Variants in SLC25A26 observed in about 807,000 individuals in gnomAD.
The protein encoded by SLC25A26 is solute carrier family 25 member 26.
SLC25A26 carries 36 observed loss-of-function variants against 37.8 expected under a neutral mutation model. The observed-to-expected ratio is 0.95, with a 90% confidence interval of 0.73 to 1.26. SLC25A26 has a LOEUF of 1.26. Ranked by LOEUF, SLC25A26 falls within the 50% of genes most tolerant of loss-of-function variation. The pLI is 0.00. For missense variants in SLC25A26, 390 were observed against 331.1 expected (o/e 1.18, Z -1.38); for synonymous variants, 129 against 122.5 (o/e 1.05, Z -0.35).
intron 1 of SLC25A26, among the ~76,000 whole-genome samples, chr3:66,204,867 G>GT (rs1339864362): frequency 6.6e-6 from 1 of 152,134 alleles, no homozygotes; most frequent in Non-Finnish European, 1.5e-5. Context: ...TCTTGCCTTA[G>GT]CTATCAGTCA....
chr3:66,278,093 A>C (rs753025564), intron 5 of SLC25A26, among the ~76,000 whole-genome samples: 19 of 152,132 alleles, frequency 1.2e-4, no homozygotes, highest in Non-Finnish European at 2.2e-4. Flanking sequence ...ATTGCAGCAA[A>C]ACTGGTAGCT....
chr3:66,141,923 C>A (rs974724648), intron 1 of SLC25A26, among the ~76,000 whole-genome samples: 1 of 152,226 alleles, frequency 6.6e-6, no homozygotes, highest in African/African-American at 2.4e-5. Context: ...AGTTCTGAAA[C>A]AAGTTCTATC....
At chr3:66,321,751 C>CTTTTTTTTTTTTTT (rs34897144) in intron 5 of SLC25A26, among the ~76,000 whole-genome samples, 1 of 142,746 alleles carries the variant, frequency 7.0e-6, no homozygotes, top group African/African-American at 2.6e-5. Flanking sequence ...TTTCTGCCTA[C>CTTTTTTTTTTTTTT]TTTTTTTTTT....
chr3:66,186,134 C>A (rs1299884205), intron 1 of SLC25A26, among the ~76,000 whole-genome samples: 3 of 152,096 alleles, frequency 2.0e-5, no homozygotes, highest in South Asian at 2.1e-4. Flanking sequence ...ATTCTGGCCA[C>A]CCGATACTTA....
intron 6 of SLC25A26, among the ~76,000 whole-genome samples, chr3:66,347,028 A>C (rs931176281): frequency 6.6e-5 from 10 of 152,094 alleles, no homozygotes; most frequent in Non-Finnish European, 1.2e-4. Context: ...TAAAAAAAAA[A>C]CAACATGTTT....
chr3:66,271,448 A>G (rs925094226), intron 5 of SLC25A26, among the ~76,000 whole-genome samples: 5 of 152,162 alleles, frequency 3.3e-5, no homozygotes, highest in African/African-American at 1.2e-4. Context: ...TTCAGGCATC[A>G]TAGTTCTATT....
chr3:66,251,987 T>C (rs531460459), intron 3 of SLC25A26, among the ~76,000 whole-genome samples: 9 of 152,284 alleles, frequency 5.9e-5, no homozygotes, highest in African/African-American at 1.7e-4. Context: ...AAGTTGAGCT[T>C]TATAGGCACA....
intron 9 of SLC25A26, among the ~76,000 whole-genome samples, chr3:66,375,175 T>C (rs1255725184): frequency 6.6e-6 from 1 of 152,168 alleles, no homozygotes; most frequent in South Asian, 2.1e-4. Flanking sequence ...TTAACTCTCT[T>C]CCCTGAAGGC....
chr3:66,341,969 T>A (rs2076219625), intron 5 of SLC25A26, among the ~76,000 whole-genome samples: 1 of 152,190 alleles, frequency 6.6e-6, no homozygotes, highest in Admixed American at 6.5e-5. Flanking sequence ...AATTTTTAGG[T>A]CTTCAACTTC....
At chr3:66,221,990 GGGTCA>G (rs1553658663) in intron 1 of SLC25A26, among the ~76,000 whole-genome samples, 2 of 151,954 alleles carry the variant, frequency 1.3e-5, no homozygotes, top group East Asian at 3.9e-4. Flanking sequence ...CTGCTCCTAA[GGGTCA>G]GGTGTTAGAG....
At chr3:66,203,870 C>T (rs1227397423) in intron 1 of SLC25A26, among the ~76,000 whole-genome samples, 1 of 152,204 alleles carries the variant, frequency 6.6e-6, no homozygotes, top group Non-Finnish European at 1.5e-5. Flanking sequence ...GCTTATGTTT[C>T]TACCTCCCTC....
At chr3:66,254,107 G>T (rs982312938) in intron 3 of SLC25A26, among the ~76,000 whole-genome samples, 1 of 152,152 alleles carries the variant, frequency 6.6e-6, no homozygotes, top group Non-Finnish European at 1.5e-5. Context: ...AGGGGGAAAG[G>T]TTTGATGAAC....
chr3:66,291,283 T>G (rs949182209), intron 5 of SLC25A26, among the ~76,000 whole-genome samples: 24 of 152,174 alleles, frequency 1.6e-4, no homozygotes, highest in Non-Finnish European at 2.6e-4. Context: ...ATTGTGTTTT[T>G]GGGGGGTTTT....
rs1380129566 is a variant in SLC25A26 at position 66,262,158 on chromosome 3, G to A, written c.405+3G>A. 2 of 1,454,564 alleles carry A rather than the reference G, an allele frequency of 1.4e-6. No individual in the cohort carries two copies. The highest frequency in any genetic ancestry group is 1.9e-6 in the Non-Finnish European group (2 of 1,066,222). 90.1% of individuals were successfully genotyped at this position (1,454,564 alleles called of 1,614,324 possible). ...TCTCTAACATCTTATATGAAGAGGT[G>A]AGATGGGTTTTTTAAGCTCTTCTTT... On this transcript the variant is annotated splice_donor_region_variant and intron_variant, in intron 4 of 9. Coordinates refer to ENST00000354883, the MANE Select transcript of SLC25A26 (RefSeq NM_001379210.1).
At chr3:66,291,076 C>A (rs2074689151) in intron 5 of SLC25A26, among the ~76,000 whole-genome samples, 1 of 152,038 alleles carries the variant, frequency 6.6e-6, no homozygotes, top group South Asian at 2.1e-4. Context: ...TATCCATTTC[C>A]TCTACATTTT....
intron 1 of SLC25A26, among the ~76,000 whole-genome samples, chr3:66,147,753 G>GT (rs1302076023): frequency 6.6e-6 from 1 of 151,774 alleles, no homozygotes; most frequent in African/African-American, 2.4e-5. Flanking sequence ...AACATCTATT[G>GT]TTTTTTGACT....
At position 66,370,514 on chromosome 3, in the gene SLC25A26, T is replaced by C. The variant is rs377402280; in HGVS notation, c.634-15T>C. 7 of 1,612,024 alleles carry C rather than the reference T, an allele frequency of 4.3e-6. No individual in the cohort carries two copies. The highest frequency in any genetic ancestry group is 1.3e-5 in the African/African-American group (1 of 75,014). ...CTTCAGAAGATAACGGGTTTCTCTT[T>C]GTCTGTTCACACAGGCTGGCTCCAG... is the stretch of plus-strand genomic sequence containing the variant. On this transcript the variant is annotated splice_polypyrimidine_tract_variant and intron_variant, in intron 8 of 9. Coordinates refer to ENST00000354883, the MANE Select transcript of SLC25A26 (RefSeq NM_001379210.1).
chr3:66,350,712 G>C (rs2076432581), intron 6 of SLC25A26, among the ~76,000 whole-genome samples: 1 of 76,634 alleles, frequency 1.3e-5, no homozygotes, highest in Non-Finnish European at 3.3e-5. Flanking sequence ...GTGTGTGTGT[G>C]TGAGCGCGCG....
chr3:66,304,057 C>T (rs1361505185), intron 5 of SLC25A26, among the ~76,000 whole-genome samples: 1 of 152,188 alleles, frequency 6.6e-6, no homozygotes, highest in Admixed American at 6.5e-5. Flanking sequence ...CACTTCAGAT[C>T]TTGTTAGGAA....
Sources: gnomAD v4.1 joint callset for allele counts (sites outside exome capture counted in the v4.1 genomes callset) on GRCh38, gnomAD v4.1.1 for gene constraint, MANE v1.5 for transcripts, NCBI Gene and HGNC (gene_info 2026-07-23, HGNC 2026-07-21) for gene names.